PTPRS: variants seen among roughly 807,000 people sequenced by gnomAD.
The protein encoded by PTPRS is receptor-type tyrosine-protein phosphatase S.
A neutral mutation model predicts 215.3 loss-of-function variants in PTPRS; 63 were observed. The ratio of observed to expected loss-of-function variants is 0.29; its 90% CI spans 0.24 to 0.36. PTPRS has a LOEUF of 0.36. Ranked by LOEUF, PTPRS falls within the 10% of genes least tolerant of loss-of-function variation. The probability of loss-of-function intolerance (pLI) is 1.00; values close to 1 mark genes in which losing one functional copy is unlikely to be tolerated. For missense variants in PTPRS, 2,258 were observed against 2,825.8 expected, an observed-to-expected ratio of 0.80 and a Z score of 4.56; for synonymous variants, 1,404 against 1,191.4, an observed-to-expected ratio of 1.18 and a Z score of -3.68.
chr19:5,276,211 A>G (rs1289733627), intron 2 of PTPRS, among the ~76,000 whole-genome samples: 1 of 148,622 alleles, frequency 6.7e-6, no homozygotes, highest in East Asian at 1.9e-4. Context: ...AGCCTGGAGT[A>G]GGAGTGTTTT....
chr19:5,220,191 C>T (rs567591940), intron 21 of PTPRS, 37 bp from the exon 22 acceptor site: 37 of 1,608,698 alleles, frequency 2.3e-5, no homozygotes, highest in Admixed American at 6.7e-5. Flanking sequence ...CAGAGCTCAG[C>T]TGGGAGCAAC....
At position 5,256,132 on chromosome 19, in the gene PTPRS, A is replaced by T; in HGVS notation, c.707-13T>A. 6.6e-7 allele frequency: 1 copy of T among 1,523,582 alleles called. No individual in the cohort carries two copies. The highest frequency in any genetic ancestry group is 9.1e-7 in the Non-Finnish European group (1 of 1,100,886). The allele number at this position is 1,523,582 out of a possible 1,614,324, so 94.4% of individuals were successfully genotyped here. On this transcript the variant is annotated splice_polypyrimidine_tract_variant and intron_variant, in intron 8 of 37. Coordinates refer to ENST00000262963, the MANE Select transcript of PTPRS (RefSeq NM_002850.4). ...CCTTCTCGAAGCTCTGAGGGATGTA[A>T]AGGGGGTTTGATGCAGAACACAATG...
intron 1 of PTPRS, among the ~76,000 whole-genome samples, chr19:5,300,034 A>G (rs898223013): frequency 7.2e-5 from 11 of 152,112 alleles, no homozygotes; most frequent in African/African-American, 2.7e-4. Flanking sequence ...TGATGCCAGG[A>G]GTTTGAGACC....
intron 19 of PTPRS, among the ~76,000 whole-genome samples, chr19:5,221,708 C>G (rs2041994334): frequency 1.3e-5 from 2 of 152,116 alleles, no homozygotes; most frequent in African/African-American, 4.8e-5. Flanking sequence ...AGACTTGGCA[C>G]CAACTCCAGA....
At chr19:5,334,986 T>C (rs1356225259) in intron 1 of PTPRS, among the ~76,000 whole-genome samples, 5 of 152,212 alleles carry the variant, frequency 3.3e-5, no homozygotes, top group Non-Finnish European at 2.9e-5. Context: ...CCTCATTTGC[T>C]GATCACGGGG....
intron 26 of PTPRS, among the ~76,000 whole-genome samples, chr19:5,216,306 C>G (rs982150303): frequency 1.3e-5 from 2 of 152,144 alleles, no homozygotes; most frequent in African/African-American, 4.8e-5. Flanking sequence ...CTGCAGAACC[C>G]TGACCTCTCC....
intron 4 of PTPRS, among the ~76,000 whole-genome samples, chr19:5,268,585 T>A (rs1483099285): frequency 6.6e-6 from 1 of 151,890 alleles, no homozygotes; most frequent in African/African-American, 2.4e-5. Context: ...CCAGAATCAA[T>A]CCCTGCCTCC....
intron 7 of PTPRS, among the ~76,000 whole-genome samples, chr19:5,259,624 GTA>G (rs2045833746): frequency 6.6e-6 from 1 of 152,154 alleles, no homozygotes; most frequent in African/African-American, 2.4e-5. Context: ...ACATATCTAA[GTA>G]TGTTTGAATC....
At chr19:5,226,613 G>T (rs962223834) in intron 16 of PTPRS, among the ~76,000 whole-genome samples, 1 of 151,872 alleles carries the variant, frequency 6.6e-6, no homozygotes, top group Non-Finnish European at 1.5e-5. Context: ...GCCAGGCGTG[G>T]TGGCACATGC....
In PTPRS at chr19:5,220,368, G is replaced by C; in HGVS notation, c.3456-15C>G. 1 of 1,604,628 alleles carries C rather than the reference G, an allele frequency of 6.2e-7. No individual in the cohort carries two copies. The highest frequency in any genetic ancestry group is 1.1e-5 in the South Asian group (1 of 90,344). The stretch of plus-strand genomic sequence containing the variant: ...TGAAATAGCTCCTGTAGGGAGATGG[G>C]AAAGAGTCAGAGGGGCTGTCGATAG... On this transcript the variant is annotated splice_polypyrimidine_tract_variant and intron_variant, in intron 20 of 37. Transcript: ENST00000262963.
In PTPRS at chr19:5,205,927, G is replaced by A. The variant is rs1426198706; in HGVS notation, c.*847C>T. Among the ~76,000 whole-genome samples the A allele has an allele frequency of 6.6e-6, 1 of 150,932 alleles. No individual in the cohort carries two copies. The highest frequency in any genetic ancestry group is 2.4e-5 in the African/African-American group (1 of 40,960). On this transcript the variant is annotated 3_prime_UTR_variant, in exon 38 of 38. Transcript: ENST00000262963. ...GAGCTCCCCCATGACCTTACCCTCAGAACTGTATTTGATATGTCTGAAAAT... is the reference window on the plus strand; with the variant it reads ...GAGCTCCCCCATGACCTTACCCTCAAAACTGTATTTGATATGTCTGAAAAT...
At position 5,212,511 on chromosome 19, in the gene PTPRS, C is replaced by T. The variant is rs781044196; in HGVS notation, c.4615-20G>A. The T allele has an allele frequency of 2.5e-6, 4 of 1,569,278 alleles. No individual in the cohort carries two copies. Among genetic ancestry groups the T allele is most frequent in the Non-Finnish European group, 3.5e-6 (4 of 1,154,286 alleles). On this transcript the variant is annotated intron_variant, in intron 30 of 37. Transcript: ENST00000262963. ...GCCATTCTGGGGACCACAAGGATGT[C>T]ACCTGTCACTCCGGCTCAACCTGCC...
intron 30 of PTPRS, 57 bp downstream of exon 30, chr19:5,214,304 G>C: frequency 6.2e-7 from 1 of 1,611,254 alleles, no homozygotes; most frequent in Non-Finnish European, 8.5e-7. Context: ...GGGGCCCTCT[G>C]CCTCCCTTCC....
chr19:5,239,453 T>G (rs2043817531), intron 12 of PTPRS, among the ~76,000 whole-genome samples: 1 of 131,382 alleles, frequency 7.6e-6, no homozygotes, highest in East Asian at 2.3e-4. Flanking sequence ...GAGACAGAGA[T>G]AAATGGGAGA....
intron 1 of PTPRS, among the ~76,000 whole-genome samples, chr19:5,296,864 A>G (rs572381508): frequency 6.6e-6 from 1 of 152,258 alleles, no homozygotes; most frequent in African/African-American, 2.4e-5. Context: ...GTACTCACAG[A>G]CATGCTCAGC....
chr19:5,322,351 C>T (rs1354689558), intron 1 of PTPRS, among the ~76,000 whole-genome samples: 1 of 152,194 alleles, frequency 6.6e-6, no homozygotes, highest in African/African-American at 2.4e-5. Context: ...AGGAGGCTGG[C>T]CCGTCAGCGC....
chr19:5,229,417 C>A, intron 15 of PTPRS, 74 bp downstream of exon 15: 1 of 1,346,224 alleles, frequency 7.4e-7, no homozygotes, highest in Non-Finnish European at 9.6e-7. Context: ...GAAAGAGAAG[C>A]AGAGGTGGGG....
intron 14 of PTPRS, among the ~76,000 whole-genome samples, chr19:5,230,324 C>A (rs936751073): frequency 1.3e-5 from 2 of 152,238 alleles, no homozygotes; most frequent in African/African-American, 4.8e-5. Flanking sequence ...GAGACAGGTT[C>A]TCTTACTCTG....
chr19:5,286,203 GGCCTCGA>G lies in PTPRS; in HGVS notation c.-70_-64del. On this transcript the variant is annotated 5_prime_UTR_variant, in exon 2 of 38. Coordinates refer to ENST00000262963, the MANE Select transcript of PTPRS (RefSeq NM_002850.4). ...ATGGCCCCCCGGTCCCTCACAGAGA[GGCCTCGA>G]GCCGAGCGTCAGATGGGGCAACGTC... is the stretch of plus-strand genomic sequence containing the variant. 1.3e-6 allele frequency: 2 copies of G among 1,577,914 alleles called. No individual in the cohort carries two copies. The highest frequency in any genetic ancestry group is 1.7e-6 in the Non-Finnish European group (2 of 1,158,222).
Sources: gnomAD v4.1 joint callset for allele counts (sites outside exome capture counted in the v4.1 genomes callset) on GRCh38, gnomAD v4.1.1 for gene constraint, MANE v1.5 for transcripts, NCBI Gene and HGNC (gene_info 2026-07-23, HGNC 2026-07-21) for gene names.